PDS5A: variants seen among roughly 807,000 people sequenced by gnomAD.
The protein encoded by PDS5A is sister chromatid cohesion protein PDS5 homolog A.
Under a neutral mutation model 167.1 loss-of-function variants are expected in PDS5A, and 42 were observed. That is an observed-to-expected ratio of 0.25 (90% CI 0.20 to 0.33). The LOEUF is 0.33. Ranked by LOEUF, PDS5A falls within the 10% of genes least tolerant of loss-of-function variation. PDS5A has a pLI of 1.00. For missense variants in PDS5A, 1,033 were observed against 1,605.9 expected, an observed-to-expected ratio of 0.64 and a Z score of 6.10; for synonymous variants, 553 against 554.6, an observed-to-expected ratio of 1.00 and a Z score of 0.04.
intron 2 of PDS5A, among the ~76,000 whole-genome samples, chr4:39,928,479 A>G (rs1215040546): frequency 6.6e-6 from 1 of 152,164 alleles, no homozygotes; most frequent in East Asian, 1.9e-4. Flanking sequence ...CCCCATATGG[A>G]CAATAACATT....
At chr4:39,890,152 A>T (rs895975154) in intron 17 of PDS5A, 97 bp downstream of exon 17, 4 of 638,414 alleles carry the variant, frequency 6.3e-6, no homozygotes, top group Non-Finnish European at 1.1e-5. Flanking sequence ...AGACATACAG[A>T]GGTTTTCAGG....
In PDS5A at chr4:39,842,937, A is replaced by ATATATATATATATT. The variant is rs1433177642; in HGVS notation, c.3549-882_3549-881insAATATATATATATA. Among the ~76,000 whole-genome samples the ATATATATATATATT allele has an allele frequency of 5.5e-4, 77 of 139,730 alleles. 1 individual carries two copies. Among genetic ancestry groups the ATATATATATATATT allele is most frequent in the African/African-American group, 1.3e-3 (49 of 36,362 alleles). 91.7% of individuals were successfully genotyped at this position (139,730 alleles called of 152,430 possible). ...TATATATATATATATATATATATAT[A>ATATATATATATATT]TTTTAAGAGACAGGGTCTTAGGCTG... On this transcript the variant is annotated intron_variant, in intron 30 of 32. Transcript: ENST00000303538.
intron 2 of PDS5A, among the ~76,000 whole-genome samples, chr4:39,934,623 T>C (rs1417213788): frequency 4.6e-5 from 4 of 87,370 alleles, no homozygotes; most frequent in Non-Finnish European, 8.7e-5. Flanking sequence ...TTCTTTTTTT[T>C]TTTTTTTTTA....
chr4:39,834,809 C>A (rs1716244844), intron 32 of PDS5A, among the ~76,000 whole-genome samples: 1 of 152,076 alleles, frequency 6.6e-6, no homozygotes, highest in Non-Finnish European at 1.5e-5. Context: ...CCATTACCAC[C>A]ATCCATCTCT....
chr4:39,929,701 T>C (rs1578764256), intron 2 of PDS5A, among the ~76,000 whole-genome samples: 1 of 150,660 alleles, frequency 6.6e-6, no homozygotes, highest in South Asian at 2.1e-4. Flanking sequence ...ATTCAAGCTA[T>C]ATTTTTATTC....
At chr4:39,830,832 T>G (rs1444281767) in intron 32 of PDS5A, among the ~76,000 whole-genome samples, 1 of 152,262 alleles carries the variant, frequency 6.6e-6, no homozygotes, top group Non-Finnish European at 1.5e-5. Flanking sequence ...TTTTCCTCTC[T>G]AATCCTAAAA....
At chr4:39,855,358 A>T (rs1210822297) in intron 26 of PDS5A, among the ~76,000 whole-genome samples, 1 of 152,234 alleles carries the variant, frequency 6.6e-6, no homozygotes, top group Non-Finnish European at 1.5e-5. Context: ...AACCAAAAGC[A>T]ATCTAGAAAG....
At chr4:39,918,502 C>T (rs1162439739) in intron 7 of PDS5A, among the ~76,000 whole-genome samples, 1 of 152,054 alleles carries the variant, frequency 6.6e-6, no homozygotes, top group East Asian at 1.9e-4. Context: ...GCAACTGATA[C>T]AAGCATACAC....
intron 26 of PDS5A, among the ~76,000 whole-genome samples, chr4:39,851,677 T>A (rs1718135526): frequency 6.6e-6 from 1 of 152,238 alleles, no homozygotes; most frequent in South Asian, 2.1e-4. Flanking sequence ...GGTCTGCTTT[T>A]ATACTTTTAA....
rs558476299 is a variant in PDS5A, at chr4:39,928,840, A to AAG, written c.139-677_139-676insCT. ...ACACTGTCTTTAAAAAAAAAAAAAA[A>AAG]GGCATTTTAAAATTATATTAATGCA... is the stretch of plus-strand genomic sequence containing the variant. On this transcript the variant is annotated intron_variant, in intron 2 of 32. Transcript: ENST00000303538. 1.9e-4 allele frequency among the ~76,000 whole-genome samples: 29 copies of AAG among 151,464 alleles called. No homozygotes were observed. In the South Asian group the frequency reaches 5.2e-3, roughly 27 times the overall value.
chr4:39,857,636 C>A (rs1718646557), intron 26 of PDS5A, among the ~76,000 whole-genome samples: 2 of 151,814 alleles, frequency 1.3e-5, no homozygotes, highest in Non-Finnish European at 1.5e-5. Flanking sequence ...TAGATTTAAA[C>A]TCAAAAAGGT....
intron 13 of PDS5A, among the ~76,000 whole-genome samples, 157 bp from the exon 14 acceptor site, chr4:39,900,664 A>G (rs1216673608): frequency 1.3e-5 from 2 of 150,868 alleles, no homozygotes; most frequent in South Asian, 2.1e-4. Context: ...ATTTAAAACA[A>G]TTTAGTACAA....
chr4:39,930,139 C>T (rs1156942347), intron 2 of PDS5A, among the ~76,000 whole-genome samples: 8 of 134,036 alleles, frequency 6.0e-5, no homozygotes, highest in Non-Finnish European at 9.3e-5. Flanking sequence ...CTCTTGAACC[C>T]GGGAGGCAGA....
chr4:39,840,771 A>T (rs1169072200), intron 31 of PDS5A, among the ~76,000 whole-genome samples: 1 of 151,862 alleles, frequency 6.6e-6, no homozygotes, highest in East Asian at 1.9e-4. Flanking sequence ...ACTTCAGGTG[A>T]TCCACCAAGT....
intron 17 of PDS5A, among the ~76,000 whole-genome samples, chr4:39,880,512 T>C (rs926784713): frequency 6.6e-6 from 1 of 152,158 alleles, no homozygotes; most frequent in African/African-American, 2.4e-5. Flanking sequence ...CTGAAGAAGA[T>C]ATTACCCTAT....
chr4:39,872,038 A>C (rs1271966864), intron 21 of PDS5A, among the ~76,000 whole-genome samples: 2 of 152,136 alleles, frequency 1.3e-5, no homozygotes, highest in African/African-American at 4.8e-5. Context: ...GTGTTTCCGA[A>C]ATCATTTGGG....
intron 5 of PDS5A, among the ~76,000 whole-genome samples, chr4:39,925,220 A>G (rs999252382): frequency 4.6e-5 from 7 of 152,110 alleles, no homozygotes; most frequent in African/African-American, 1.7e-4. Flanking sequence ...ACCAAAAAAC[A>G]TGGGCTAAAA....
At chr4:39,858,084 T>A (rs1305649279) in intron 26 of PDS5A, among the ~76,000 whole-genome samples, 4 of 151,996 alleles carry the variant, frequency 2.6e-5, no homozygotes, top group Admixed American at 1.3e-4. Context: ...AAATAAAAAA[T>A]TAAAGGTCTA....
At chr4:39,863,247 T>A in intron 24 of PDS5A, 89 bp downstream of exon 24, 1 of 1,073,278 alleles carries the variant, frequency 9.3e-7, no homozygotes, top group Non-Finnish European at 1.3e-6. Context: ...TGTGCATATA[T>A]TCACATTATA....
Sources: gnomAD v4.1 joint callset for allele counts (sites outside exome capture counted in the v4.1 genomes callset) on GRCh38, gnomAD v4.1.1 for gene constraint, MANE v1.5 for transcripts, NCBI Gene and HGNC (gene_info 2026-07-23, HGNC 2026-07-21) for gene names.